Variants in GLCE observed in about 807,000 individuals in gnomAD.
GLCE encodes glucuronic acid epimerase.
GLCE carries 19 observed loss-of-function variants against 47.9 expected under a neutral mutation model. The observed-to-expected ratio is 0.40, with a 90% CI of 0.28 to 0.58. GLCE has a LOEUF of 0.58. Ranked by LOEUF, GLCE falls within the 20% of genes least tolerant of loss-of-function variation. GLCE has a pLI of 0.48. For missense variants in GLCE, 556 were observed against 743.3 expected (o/e 0.75, Z 2.93); for synonymous variants, 245 against 263.4 (o/e 0.93, Z 0.68).
intron 2 of GLCE, among the ~76,000 whole-genome samples, chr15:69,236,443 A>C (rs1276589130): frequency 6.6e-6 from 1 of 152,198 alleles, no homozygotes; most frequent in Non-Finnish European, 1.5e-5. Context: ...CTTTTAAAAA[A>C]ATTAGCATGT....
At chr15:69,185,909 T>C (rs1324118355) in intron 1 of GLCE, among the ~76,000 whole-genome samples, 1 of 152,182 alleles carries the variant, frequency 6.6e-6, no homozygotes, top group Non-Finnish European at 1.5e-5. Flanking sequence ...GGTTTCAAGT[T>C]GGGTTCCTCT....
chr15:69,192,860 A>G (rs2051933998), intron 1 of GLCE, among the ~76,000 whole-genome samples: 1 of 152,102 alleles, frequency 6.6e-6, no homozygotes, highest in Non-Finnish European at 1.5e-5. Context: ...GGGTAATACA[A>G]ATTTTAACAA....
At chr15:69,167,394 A>G (rs1055278588) in intron 1 of GLCE, among the ~76,000 whole-genome samples, 32 of 152,248 alleles carry the variant, frequency 2.1e-4, no homozygotes, top group African/African-American at 7.5e-4. Context: ...TTGGATCATG[A>G]CACATGGAGA....
intron 2 of GLCE, among the ~76,000 whole-genome samples, chr15:69,238,569 A>G (rs1005000536): frequency 4.6e-5 from 7 of 152,116 alleles, no homozygotes; most frequent in African/African-American, 1.7e-4. Context: ...TTCCTTTCTC[A>G]TTGAAATGAA....
In GLCE at chr15:69,253,044, G is replaced by A. The variant is rs529725133; in HGVS notation, c.-13-2750G>A. Among the ~76,000 whole-genome samples, 63 of 152,308 alleles carry A rather than the reference G, an allele frequency of 4.1e-4. 1 individual carries two copies. The highest frequency in any genetic ancestry group is 1.5e-3 in the African/African-American group (61 of 41,564). ...ATGAGAAATGAAGAAGCCAGTAACAGTAAATAGGAGGACTACCCAAGGATG... is the reference window on the plus strand; with the variant it reads ...ATGAGAAATGAAGAAGCCAGTAACAATAAATAGGAGGACTACCCAAGGATG... On this transcript the variant is annotated intron_variant, in intron 2 of 4. Coordinates refer to ENST00000261858, the MANE Select transcript of GLCE (RefSeq NM_015554.3).
chr15:69,260,108 T>C (rs1446327586), intron 3 of GLCE, among the ~76,000 whole-genome samples: 1 of 152,202 alleles, frequency 6.6e-6, no homozygotes, highest in Non-Finnish European at 1.5e-5. Context: ...AATCCATTAA[T>C]GAATTATTTC....
intron 2 of GLCE, among the ~76,000 whole-genome samples, chr15:69,240,620 A>T (rs1298778299): frequency 6.6e-6 from 1 of 152,138 alleles, no homozygotes; most frequent in Non-Finnish European, 1.5e-5. Flanking sequence ...ATGGAAACTA[A>T]AAAATGCAAT....
Position 69,268,370 on chromosome 15 carries a change from C to A in GLCE, c.980C>A (p.Ala327Asp). The stretch of plus-strand genomic sequence containing the variant: ...TTCACTATACATTATGTCTCAAATG[C>A]TCAGCTAATTGCTTTTAAAGAAAGA... ...QLFTIHYVSN[A>D]QLIAFKERDI... Residue 327 changes from alanine to aspartate, a missense_variant, in exon 5 of 5, where the codon GCT becomes GAT. By Grantham distance (126) the Ala-to-Asp change is moderately radical (BLOSUM62 -2). Coordinates refer to ENST00000261858, the MANE Select transcript of GLCE (RefSeq NM_015554.3). 6.2e-7 allele frequency: 1 copy of A among 1,614,134 alleles called. No individual in the cohort carries two copies. The highest frequency in any genetic ancestry group is 8.5e-7 in the Non-Finnish European group (1 of 1,179,976).
intron 1 of GLCE, among the ~76,000 whole-genome samples, chr15:69,176,129 C>T (rs558581266): frequency 6.8e-6 from 1 of 148,048 alleles, no homozygotes; most frequent in East Asian, 2.0e-4. Context: ...TTTTATTTGG[C>T]ATGGGATGTG....
intron 1 of GLCE, among the ~76,000 whole-genome samples, chr15:69,171,391 G>C (rs1368050375): frequency 6.6e-6 from 1 of 150,852 alleles, no homozygotes; most frequent in Non-Finnish European, 1.5e-5. Context: ...TTACTTTTGG[G>C]ATATATTCTT....
intron 2 of GLCE, among the ~76,000 whole-genome samples, chr15:69,229,766 A>G (rs2052496118): frequency 6.6e-6 from 1 of 152,176 alleles, no homozygotes; most frequent in African/African-American, 2.4e-5. Context: ...TAGATAGCAG[A>G]TATATACCCA....
intron 1 of GLCE, among the ~76,000 whole-genome samples, chr15:69,180,733 G>T (rs1238411888): frequency 1.3e-5 from 2 of 152,196 alleles, no homozygotes; most frequent in African/African-American, 4.8e-5. Flanking sequence ...ACTGGTGATG[G>T]GCTGGTTGTG....
intron 2 of GLCE, among the ~76,000 whole-genome samples, chr15:69,228,755 C>T (rs1394076719): frequency 2.0e-5 from 3 of 152,038 alleles, no homozygotes; most frequent in East Asian, 3.9e-4. Flanking sequence ...GGCACGATCT[C>T]GGCTCCCTGC....
intron 2 of GLCE, among the ~76,000 whole-genome samples, chr15:69,236,194 T>G (rs2052592367): frequency 6.6e-6 from 1 of 152,228 alleles, no homozygotes; most frequent in African/African-American, 2.4e-5. Context: ...TTTGGGTTGT[T>G]TCCAGCTTGG....
chr15:69,209,434 C>A (rs2052197572), intron 1 of GLCE, among the ~76,000 whole-genome samples: 2 of 151,932 alleles, frequency 1.3e-5, no homozygotes, highest in African/African-American at 4.8e-5. Flanking sequence ...CAGTTAGAGT[C>A]ACACTGCAAA....
intron 2 of GLCE, among the ~76,000 whole-genome samples, chr15:69,236,064 G>T (rs2174141): frequency 0.69 from 105,455 of 152,016 alleles, 37,634 homozygotes; most frequent in Admixed American, 0.77. Context: ...CTTCTTTCAC[G>T]TAGTGAAATG....
chr15:69,259,412 C>T (rs754791099), intron 3 of GLCE, among the ~76,000 whole-genome samples: 1 of 152,140 alleles, frequency 6.6e-6, no homozygotes, highest in Non-Finnish European at 1.5e-5. Context: ...TAGAAAGGCA[C>T]TTGCCACACC....
chr15:69,193,185 C>A (rs991987127), intron 1 of GLCE, among the ~76,000 whole-genome samples: 4 of 151,808 alleles, frequency 2.6e-5, no homozygotes, highest in Admixed American at 2.0e-4. Context: ...CCTTTCCCTG[C>A]GCCATTGTTT....
At chr15:69,165,609 A>C (rs1251682698) in intron 1 of GLCE, among the ~76,000 whole-genome samples, 1 of 141,718 alleles carries the variant, frequency 7.1e-6, no homozygotes, top group African/African-American at 2.7e-5. Context: ...CCTCTTCCCA[A>C]CCCTAGGTGT....
Sources: allele counts gnomAD v4.1 joint callset (sites outside exome capture counted in the v4.1 genomes callset), GRCh38; gene constraint gnomAD v4.1.1; transcripts MANE v1.5; gene names NCBI Gene and HGNC (gene_info 2026-07-23, HGNC 2026-07-21).